The following RIC1 variants were observed in gnomAD, a reference collection of about 807,000 sequenced individuals.
RIC1 encodes the protein RIC1 partner of RAB6A GEF complex, also known as guanine nucleotide exchange factor subunit RIC1.
A neutral mutation model predicts 169.0 loss-of-function variants in RIC1; 88 were observed. That is an observed-to-expected ratio of 0.52 (90% CI 0.44 to 0.62). The LOEUF (loss-of-function observed/expected upper bound fraction) is 0.62. Ranked by LOEUF, RIC1 falls within the 20% of genes least tolerant of loss-of-function variation. The pLI is 0.00. For missense variants in RIC1, 1,877 were observed against 1,725.5 expected (o/e 1.09, Z -1.56); for synonymous variants, 790 against 601.5 (o/e 1.31, Z -4.59).
At chr9:5,732,643 GAAAC>G (rs1431527395) in intron 7 of RIC1, among the ~76,000 whole-genome samples, 164 bp downstream of exon 7, 2 of 151,896 alleles carry the variant, frequency 1.3e-5, no homozygotes, top group African/African-American at 2.4e-5. Context: ...TTATTAGATT[GAAAC>G]AAACAAAAGT....
chr9:5,740,150 C>G (rs183110864), intron 8 of RIC1, among the ~76,000 whole-genome samples: 2 of 152,302 alleles, frequency 1.3e-5, no homozygotes, highest in Non-Finnish European at 2.9e-5. Context: ...CCTTGATTCT[C>G]CACATATGGT....
intron 2 of RIC1, among the ~76,000 whole-genome samples, chr9:5,672,477 G>C (rs947517928): frequency 3.3e-5 from 5 of 152,170 alleles, no homozygotes; most frequent in African/African-American, 1.2e-4. Context: ...ATAACCCCTT[G>C]TGAGAGCTGA....
At chr9:5,677,119 T>A (rs368675299) in intron 2 of RIC1, among the ~76,000 whole-genome samples, 266 of 152,354 alleles carry the variant, frequency 1.7e-3, no homozygotes, top group African/African-American at 6.2e-3. Flanking sequence ...CTGAAGTAGT[T>A]ATACCATTTT....
chr9:5,772,528 C>T (rs182033922), intron 23 of RIC1, 36 bp from the exon 24 acceptor site: 1,029 of 1,496,620 alleles, frequency 6.9e-4, no homozygotes, highest in Non-Finnish European at 8.8e-4. Flanking sequence ...ATTTTCTCCA[C>T]GAAGTTGGTT....
intron 2 of RIC1, among the ~76,000 whole-genome samples, chr9:5,667,021 A>C (rs1290566061): frequency 1.3e-5 from 2 of 151,766 alleles, no homozygotes; most frequent in African/African-American, 4.8e-5. Context: ...AGTTTTGTTG[A>C]TTTTTCAAAG....
intron 1 of RIC1, among the ~76,000 whole-genome samples, chr9:5,635,997 C>T (rs528287749): frequency 6.6e-6 from 1 of 152,180 alleles, no homozygotes; most frequent in South Asian, 2.1e-4. Flanking sequence ...TGTGACACTT[C>T]CAGCTTTGTT....
intron 3 of RIC1, among the ~76,000 whole-genome samples, chr9:5,711,075 G>A (rs555489013): frequency 1.4e-4 from 21 of 152,246 alleles, no homozygotes; most frequent in African/African-American, 5.1e-4. Flanking sequence ...CAGGTGCTCA[G>A]TGCAATGATA....
At chr9:5,635,334 G>A (rs188084027) in intron 1 of RIC1, among the ~76,000 whole-genome samples, 42 of 151,876 alleles carry the variant, frequency 2.8e-4, no homozygotes, top group Admixed American at 3.3e-4. Context: ...TTCCCCCTCC[G>A]TCTTTAATCC....
In RIC1 at chr9:5,756,096, C is replaced by T. The variant is rs536731541; in HGVS notation, c.1693-116C>T. The T allele has an allele frequency of 1.5e-5, 8 of 525,612 alleles. 1 individual carries two copies. In the East Asian group the frequency reaches 2.6e-4, roughly 17 times the overall value. 32.6% of individuals were successfully genotyped at this position (525,612 alleles called of 1,614,324 possible). A position where few individuals can be genotyped will look rare whatever the true frequency, so the allele number is the denominator to read the frequency against. On this transcript the variant is annotated intron_variant, in intron 15 of 25. Transcript: ENST00000414202. ...TAAAGCTTAGATAGTTCTTTTAACT[C>T]CTGTTACTAAAAAAAAAAAAAAAAG...
At chr9:5,770,021 T>G (rs189654420) in intron 22 of RIC1, 66 bp from the exon 23 acceptor site, 22 of 1,392,180 alleles carry the variant, frequency 1.6e-5, no homozygotes, top group African/African-American at 1.4e-4. Flanking sequence ...AGAGCTGAAT[T>G]GAAAATGTCA....
chr9:5,693,990 A>G (rs1821743042), intron 3 of RIC1, among the ~76,000 whole-genome samples: 1 of 152,014 alleles, frequency 6.6e-6, no homozygotes, highest in Non-Finnish European at 1.5e-5. Context: ...TTCACTGAAG[A>G]AAAAAAGTCA....
At chr9:5,721,659 A>T (rs1394894734) in intron 6 of RIC1, among the ~76,000 whole-genome samples, 1 of 152,194 alleles carries the variant, frequency 6.6e-6, no homozygotes, top group Non-Finnish European at 1.5e-5. Flanking sequence ...TTGGGCTTGA[A>T]AGTGGGTTTT....
At chr9:5,647,907 G>A (rs1417717395) in intron 1 of RIC1, among the ~76,000 whole-genome samples, 3 of 119,852 alleles carry the variant, frequency 2.5e-5, no homozygotes, top group African/African-American at 9.1e-5. Context: ...GTTTTTGTTT[G>A]TTTGTTTTTT....
chr9:5,741,120 T>C (rs187759050), intron 8 of RIC1, among the ~76,000 whole-genome samples: 6 of 152,330 alleles, frequency 3.9e-5, no homozygotes, highest in African/African-American at 1.2e-4. Context: ...CTGTTTTGGA[T>C]TGGCAGTTAT....
chr9:5,763,953 T>C lies in RIC1; in HGVS notation c.2841+85T>C, dbSNP rs1162393212. 2.1e-6 allele frequency: 3 copies of C among 1,427,124 alleles called. No individual in the cohort carries two copies. Among genetic ancestry groups the C allele is most frequent in the Non-Finnish European group, 2.8e-6 (3 of 1,056,916 alleles). 88.4% of individuals were successfully genotyped at this position (1,427,124 alleles called of 1,614,324 possible). A position where few individuals can be genotyped will look rare whatever the true frequency, so the allele number is the denominator to read the frequency against. On this transcript the variant is annotated intron_variant, in intron 19 of 25. Coordinates refer to ENST00000414202, the MANE Select transcript of RIC1 (RefSeq NM_020829.4). The surrounding 1 kb of genome is among the most constrained non-coding windows in gnomAD (Gnocchi z 5.2). Reference sequence around the variant, plus strand: ...AAATGTCCTGTTTTGACACCATGATTGTGTTTAAGGAATTCATAGTCAAAT... The same window carrying C: ...AAATGTCCTGTTTTGACACCATGATCGTGTTTAAGGAATTCATAGTCAAAT...
At chr9:5,670,183 G>A (rs969344792) in intron 2 of RIC1, among the ~76,000 whole-genome samples, 1 of 152,228 alleles carries the variant, frequency 6.6e-6, no homozygotes, top group African/African-American at 2.4e-5. Context: ...TTCAGCAGAT[G>A]TCTTGTGGGA....
rs1827469210 is a variant in RIC1 at position 5,774,505 on chromosome 9, G to A, written c.*259G>A. Reference sequence around the variant, plus strand: ...TACAGATGTACATGAGAATATTTTGGTTTTACTCAAAGGTTGGTAGCTCTT... The same window carrying A: ...TACAGATGTACATGAGAATATTTTGATTTTACTCAAAGGTTGGTAGCTCTT... On this transcript the variant is annotated 3_prime_UTR_variant, in exon 26 of 26. Coordinates refer to ENST00000414202, the MANE Select transcript of RIC1 (RefSeq NM_020829.4). The A allele has an allele frequency of 3.4e-6, 1 of 291,872 alleles. No homozygotes were observed. Among genetic ancestry groups the A allele is most frequent in the African/African-American group, 2.2e-5 (1 of 46,426 alleles). The allele number at this position is 291,872 out of a possible 1,614,324, so 18.1% of individuals were successfully genotyped here. A position where few individuals can be genotyped will look rare whatever the true frequency, so the allele number is the denominator to read the frequency against.
intron 8 of RIC1, among the ~76,000 whole-genome samples, chr9:5,742,323 G>T (rs1169576183): frequency 6.6e-6 from 1 of 152,040 alleles, no homozygotes; most frequent in Non-Finnish European, 1.5e-5. Flanking sequence ...AAAAATTCAG[G>T]GAACAAGCAC....
intron 1 of RIC1, among the ~76,000 whole-genome samples, chr9:5,648,217 C>T (rs960795186): frequency 2.6e-5 from 4 of 152,146 alleles, no homozygotes; most frequent in African/African-American, 4.8e-5. Flanking sequence ...CTCCTGACCT[C>T]AGGTGATCCA....
Sources: gnomAD v4.1 joint callset for allele counts (sites outside exome capture counted in the v4.1 genomes callset) on GRCh38, gnomAD v4.1.1 for gene constraint, Gnocchi (gnomAD v3.1) non-coding constraint, MANE v1.5 for transcripts, NCBI Gene and HGNC (gene_info 2026-07-23, HGNC 2026-07-21) for gene names.